Variants in SHF observed in about 807,000 individuals in gnomAD.
SHF encodes the protein Src homology 2 domain containing F.
In SHF, 30 loss-of-function variants were observed where a neutral mutation model predicts 42.4. The observed-to-expected ratio is 0.71, with a 90% CI of 0.53 to 0.96. SHF has a LOEUF of 0.96. Ranked by LOEUF, SHF falls within the 40% of genes least tolerant of loss-of-function variation. The pLI, the probability that SHF is intolerant of heterozygous loss-of-function variation, is 0.00. For missense variants in SHF, 598 were observed against 634.0 expected, an observed-to-expected ratio of 0.94 and a Z score of 0.61; for synonymous variants, 264 against 269.9, an observed-to-expected ratio of 0.98 and a Z score of 0.21.
At chr15:45,174,617 C>T (rs1897696556) in intron 3 of SHF, among the ~76,000 whole-genome samples, 1 of 152,224 alleles carries the variant, frequency 6.6e-6, no homozygotes, top group South Asian at 2.1e-4. Context: ...CTACTCCAGG[C>T]TCTTGCTCCA....
At chr15:45,199,953 CAAAAAAAAAAAAAAAAAAAAAAAAAAAAA>C (rs56982094) in intron 1 of SHF, 1 of 59,500 alleles carries the variant, frequency 1.7e-5, no homozygotes, top group Non-Finnish European at 3.1e-5. Flanking sequence ...GGCTCCATCT[CAAAAAAAAAAAAAAAAAAAAAAAAAAAAA>C]AAAAAAAAAA....
chr15:45,194,069 T>TCC (rs1267157028), intron 2 of SHF, among the ~76,000 whole-genome samples: 13 of 132,070 alleles, frequency 9.8e-5, no homozygotes, highest in Non-Finnish European at 1.1e-4. Context: ...GCCACTGTAC[T>TCC]CCAGCCTGGG....
intron 4 of SHF, among the ~76,000 whole-genome samples, chr15:45,172,845 C>T (rs117615259): frequency 0.051 from 7,682 of 151,328 alleles, 281 homozygotes; most frequent in Middle Eastern, 0.11. Context: ...CGACCCCCAA[C>T]GTTGCTGCCC....
At chr15:45,169,783 C>T (rs1338999125) in intron 6 of SHF, among the ~76,000 whole-genome samples, 8 of 152,220 alleles carry the variant, frequency 5.3e-5, no homozygotes, top group Admixed American at 3.9e-4. Context: ...TGTGCTTTCC[C>T]ACCTCCTGGG....
intron 6 of SHF, chr15:45,170,348 C>T (rs1897409691): frequency 7.8e-7 from 1 of 1,281,016 alleles, no homozygotes; most frequent in Non-Finnish European, 1.0e-6. Context: ...ATACAGGCTG[C>T]TTGGTATGCT....
chr15:45,198,588 G>A (rs564706395), intron 2 of SHF: 20 of 611,290 alleles, frequency 3.3e-5, no homozygotes, highest in Non-Finnish European at 4.2e-5. Context: ...GCCCCTTGCC[G>A]TGCCATTGTT....
At chr15:45,190,614 C>T (rs1292059114), upstream of SHF, among the ~76,000 whole-genome samples, 1 of 152,130 alleles carries the variant, frequency 6.6e-6, no homozygotes, top group Non-Finnish European at 1.5e-5. Flanking sequence ...ATCAAGTCTG[C>T]AGGCTTCATG....
At chr15:45,176,854 A>G (rs1194035896) in intron 2 of SHF, among the ~76,000 whole-genome samples, 2 of 152,220 alleles carry the variant, frequency 1.3e-5, no homozygotes, top group African/African-American at 4.8e-5. Context: ...TAAATGGGGT[A>G]GTCAGCTTCT....
In SHF at chr15:45,200,483, G is replaced by C. The variant is rs896169010; in HGVS notation, c.-47+244C>G. 5.5e-5 allele frequency: 19 copies of C among 343,252 alleles called. No individual in the cohort carries two copies. In the Admixed American group the frequency reaches 6.8e-4, roughly 12 times the overall value. 21.3% of individuals were successfully genotyped at this position (343,252 alleles called of 1,614,324 possible). A position where few individuals can be genotyped will look rare whatever the true frequency, so the allele number is the denominator to read the frequency against. ...GAGTACTAACCACTATACGATCACG[G>C]CGAGCTACTAGGGACACAGGACCTC... On this transcript the variant is annotated intron_variant, in intron 1 of 7. Transcript: ENST00000290894.
chr15:45,180,067 C>A (rs1180403075), intron 1 of SHF, among the ~76,000 whole-genome samples: 1 of 152,152 alleles, frequency 6.6e-6, no homozygotes, highest in Admixed American at 6.5e-5. Flanking sequence ...TCCTTTACAA[C>A]CTCCTTTGCG....
chr15:45,195,830 C>T (rs1252013849), intron 2 of SHF, among the ~76,000 whole-genome samples: 1 of 152,152 alleles, frequency 6.6e-6, no homozygotes, highest in Non-Finnish European at 1.5e-5. Flanking sequence ...GTTTTGCTGT[C>T]CAAGTCTGGT....
At chr15:45,175,078 A>G (rs1427647894) in intron 3 of SHF, 141 bp downstream of exon 3, 16 of 892,674 alleles carry the variant, frequency 1.8e-5, no homozygotes, top group Non-Finnish European at 2.4e-5. Flanking sequence ...CCCACCCCCT[A>G]TGGTACAGAA....
intron 2 of SHF, among the ~76,000 whole-genome samples, chr15:45,196,151 G>A (rs1486379728): frequency 7.1e-6 from 1 of 140,994 alleles, no homozygotes; most frequent in East Asian, 2.0e-4. Flanking sequence ...AGGCTGGAGT[G>A]CAGTGGCCTG....
At chr15:45,176,063 G>T (rs1377163450) in intron 2 of SHF, among the ~76,000 whole-genome samples, 1 of 151,916 alleles carries the variant, frequency 6.6e-6, no homozygotes, top group Non-Finnish European at 1.5e-5. Context: ...CAGGTGATCT[G>T]CCTGCCTCGG....
Position 45,167,615 on chromosome 15 carries a change from T to C in SHF, c.*332A>G. 1 of 200,014 alleles carries C rather than the reference T, an allele frequency of 5.0e-6. No individual in the cohort carries two copies. Among genetic ancestry groups the C allele is most frequent in the East Asian group, 1.1e-4 (1 of 9,234 alleles). 12.4% of individuals were successfully genotyped at this position (200,014 alleles called of 1,614,324 possible). ...GGACCCAGTGGGGAGAGGGTGGTGGTGGTGGAGGTCACCACCTCTGCCCTA... is the reference window on the plus strand; with the variant it reads ...GGACCCAGTGGGGAGAGGGTGGTGGCGGTGGAGGTCACCACCTCTGCCCTA... On this transcript the variant is annotated 3_prime_UTR_variant, in exon 7 of 7. Transcript: ENST00000690270.
chr15:45,195,923 A>G (rs1363089241), intron 2 of SHF, among the ~76,000 whole-genome samples: 1 of 152,146 alleles, frequency 6.6e-6, no homozygotes, highest in African/African-American at 2.4e-5. Flanking sequence ...GTGTTCTCAC[A>G]TATGCACTTT....
chr15:45,172,373 C>A, intron 4 of SHF, 55 bp from the exon 5 acceptor site: 1 of 1,493,450 alleles, frequency 6.7e-7, no homozygotes, highest in East Asian at 2.3e-5. Context: ...CCTCAGAGGT[C>A]CCTATTGAAT....
At chr15:45,198,451 TGA>T in intron 2 of SHF, 1 of 303,896 alleles carries the variant, frequency 3.3e-6, no homozygotes, top group South Asian at 5.9e-5. Flanking sequence ...GAGCATTACA[TGA>T]GAGTTACTGT....
intron 2 of SHF, 101 bp downstream of exon 2, chr15:45,178,064 T>C: frequency 6.9e-7 from 1 of 1,459,616 alleles, no homozygotes; most frequent in Non-Finnish European, 9.1e-7. Context: ...TTCTCCATAT[T>C]TTCCAGGGAC....
Sources: allele counts gnomAD v4.1 joint callset (sites outside exome capture counted in the v4.1 genomes callset), GRCh38; gene constraint gnomAD v4.1.1; transcripts MANE v1.5; gene names NCBI Gene and HGNC (gene_info 2026-07-23, HGNC 2026-07-21).